Variants in XKR4 observed in about 807,000 individuals in gnomAD.
XKR4 encodes XK related 4, also known as XK-related protein 4.
XKR4 carries 12 observed loss-of-function variants against 53.9 expected under a neutral mutation model. The observed-to-expected ratio is 0.22, with a 90% confidence interval of 0.14 to 0.36. The LOEUF (loss-of-function observed/expected upper bound fraction) is 0.36. Among genes scored for constraint, XKR4 ranks in the 10% least tolerant of loss-of-function variants. The probability of loss-of-function intolerance (pLI) is 1.00; values close to 1 mark genes in which losing one functional copy is unlikely to be tolerated. For missense variants in XKR4, 799 were observed against 859.5 expected, an observed-to-expected ratio of 0.93 and a Z score of 0.88; for synonymous variants, 354 against 362.4, an observed-to-expected ratio of 0.98 and a Z score of 0.26.
chr8:55,382,949 C>T (rs1804257002), intron 2 of XKR4, among the ~76,000 whole-genome samples: 2 of 151,952 alleles, frequency 1.3e-5, no homozygotes, highest in African/African-American at 2.4e-5. Flanking sequence ...TGAGGCCGGG[C>T]GTGGTGTAAT....
chr8:55,446,467 G>A (rs761057756), intron 2 of XKR4, among the ~76,000 whole-genome samples: 4 of 152,012 alleles, frequency 2.6e-5, no homozygotes, highest in Admixed American at 6.6e-5. Context: ...TCAGCCTCCC[G>A]AGTAGCTGGG....
chr8:55,465,279 C>T (rs1805745144), intron 2 of XKR4, among the ~76,000 whole-genome samples: 1 of 152,042 alleles, frequency 6.6e-6, no homozygotes, highest in Non-Finnish European at 1.5e-5. Context: ...GTACTGGTAC[C>T]AAAACAGAGA....
At chr8:55,169,326 G>A (rs1021303463) in intron 1 of XKR4, among the ~76,000 whole-genome samples, 1 of 152,350 alleles carries the variant, frequency 6.6e-6, no homozygotes. Context: ...AACGCTGCAG[G>A]GAGGAAGGTG....
intron 1 of XKR4, among the ~76,000 whole-genome samples, chr8:55,230,496 G>A (rs1053048956): frequency 2.6e-5 from 4 of 151,664 alleles, no homozygotes; most frequent in Non-Finnish European, 4.4e-5. Context: ...AGCCTCCCGA[G>A]TAGCTGGGAC....
intron 2 of XKR4, among the ~76,000 whole-genome samples, chr8:55,411,240 G>C (rs946751750): frequency 6.6e-6 from 1 of 152,146 alleles, no homozygotes; most frequent in African/African-American, 2.4e-5. Flanking sequence ...TTGGGCAAGA[G>C]ACCTCATCCC....
At chr8:55,388,764 C>A (rs1804391239) in intron 2 of XKR4, among the ~76,000 whole-genome samples, 1 of 152,204 alleles carries the variant, frequency 6.6e-6, no homozygotes. Context: ...CTACATCCAA[C>A]TCATAGGACA....
chr8:55,434,512 C>T (rs1160565285), intron 2 of XKR4, among the ~76,000 whole-genome samples: 1 of 151,322 alleles, frequency 6.6e-6, no homozygotes. Flanking sequence ...AGAATACAAG[C>T]CAGATTGAAA....
At chr8:55,220,816 T>C (rs1176629108) in intron 1 of XKR4, among the ~76,000 whole-genome samples, 3 of 152,240 alleles carry the variant, frequency 2.0e-5, no homozygotes, top group Non-Finnish European at 4.4e-5. Context: ...ATAGTTAATC[T>C]CCATTTTAAT....
At chr8:55,149,069 C>A (rs1816807369) in intron 1 of XKR4, among the ~76,000 whole-genome samples, 1 of 152,078 alleles carries the variant, frequency 6.6e-6, no homozygotes, top group East Asian at 1.9e-4. Flanking sequence ...TAAGGTGTAG[C>A]CCTATTTAAT....
intron 2 of XKR4, among the ~76,000 whole-genome samples, chr8:55,410,890 G>T (rs1011026389): frequency 1.3e-5 from 2 of 152,078 alleles, no homozygotes; most frequent in Non-Finnish European, 1.5e-5. Flanking sequence ...GCTCCATAGA[G>T]TGCACACTGT....
At chr8:55,470,403 A>T (rs2129400020) in intron 2 of XKR4, among the ~76,000 whole-genome samples, 1 of 152,236 alleles carries the variant, frequency 6.6e-6, no homozygotes, top group South Asian at 2.1e-4. Context: ...CATGGTAGTG[A>T]ATAAGTCTCA....
At chr8:55,504,353 C>A (rs1037742115) in intron 2 of XKR4, among the ~76,000 whole-genome samples, 7 of 151,716 alleles carry the variant, frequency 4.6e-5, no homozygotes, top group African/African-American at 1.7e-4. Flanking sequence ...GCTAGGATTA[C>A]AGGCACACCC....
chr8:55,521,023 C>G (rs921029874), intron 2 of XKR4: 1 of 152,274 alleles, frequency 6.6e-6, no homozygotes, highest in South Asian at 2.1e-4. Context: ...TTAACAACCC[C>G]GCTTTGGTTG....
intron 1 of XKR4, among the ~76,000 whole-genome samples, chr8:55,284,479 A>T (rs1818880906): frequency 6.6e-6 from 1 of 152,102 alleles, no homozygotes; most frequent in Non-Finnish European, 1.5e-5. Context: ...CCCAACTCGT[A>T]TGGCTACTGA....
intron 2 of XKR4, among the ~76,000 whole-genome samples, chr8:55,397,443 T>C (rs1431353453): frequency 6.6e-6 from 1 of 152,194 alleles, no homozygotes; most frequent in Non-Finnish European, 1.5e-5. Context: ...ATCTGTCTGC[T>C]GTGGGTTAGG....
At chr8:55,350,486 C>T (rs1370247109) in intron 1 of XKR4, among the ~76,000 whole-genome samples, 8 of 152,104 alleles carry the variant, frequency 5.3e-5, no homozygotes, top group South Asian at 2.1e-4. Flanking sequence ...AAGTTTGATA[C>T]GAGCTATATA....
intron 2 of XKR4, among the ~76,000 whole-genome samples, chr8:55,385,806 T>C (rs548590294): frequency 6.6e-6 from 1 of 152,174 alleles, no homozygotes; most frequent in Non-Finnish European, 1.5e-5. Context: ...CTTAACCTGT[T>C]AGAAAGAACC....
At chr8:55,126,931 A>T (rs907443048) in intron 1 of XKR4, among the ~76,000 whole-genome samples, 6 of 152,206 alleles carry the variant, frequency 3.9e-5, no homozygotes, top group African/African-American at 1.4e-4. Context: ...CTTAAACAGG[A>T]ATCCTTTTTA....
intron 1 of XKR4, among the ~76,000 whole-genome samples, chr8:55,318,488 G>A (rs1402123026): frequency 6.6e-6 from 1 of 152,146 alleles, no homozygotes; most frequent in Non-Finnish European, 1.5e-5. Context: ...TTAGCAGTTT[G>A]TCCCAAACTC....
Sources: gnomAD v4.1 joint callset for allele counts (sites outside exome capture counted in the v4.1 genomes callset) on GRCh38, gnomAD v4.1.1 for gene constraint, MANE v1.5 for transcripts, NCBI Gene and HGNC (gene_info 2026-07-23, HGNC 2026-07-21) for gene names.